SMYD3: variants seen among roughly 807,000 people sequenced by gnomAD.
The protein encoded by SMYD3 is SET and MYND domain containing 3.
SMYD3 carries 36 observed loss-of-function variants against 57.7 expected under a neutral mutation model. The ratio of observed to expected loss-of-function variants is 0.62; its 90% CI spans 0.48 to 0.82. The LOEUF (loss-of-function observed/expected upper bound fraction) is 0.82, where lower values mean the gene tolerates loss of function less well. Ranked by LOEUF, SMYD3 falls within the 40% of genes least tolerant of loss-of-function variation. SMYD3 has a pLI of 0.00. For missense variants in SMYD3, 515 were observed against 538.8 expected (o/e 0.96, Z 0.44); for synonymous variants, 211 against 195.0 (o/e 1.08, Z -0.68).
At chr1:246,351,882 T>C (rs1015842636) in intron 2 of SMYD3, among the ~76,000 whole-genome samples, 2 of 152,032 alleles carry the variant, frequency 1.3e-5, no homozygotes, top group Non-Finnish European at 2.9e-5. Context: ...ACGGCTATAA[T>C]CCCAGCACTT....
chr1:246,457,169 T>C (rs1273862018), intron 1 of SMYD3, among the ~76,000 whole-genome samples: 1 of 152,152 alleles, frequency 6.6e-6, no homozygotes, highest in African/African-American at 2.4e-5. Flanking sequence ...CACAGAGTTA[T>C]ATTTCAGAAG....
At chr1:246,140,397 A>G (rs1298864967) in intron 5 of SMYD3, among the ~76,000 whole-genome samples, 1 of 152,216 alleles carries the variant, frequency 6.6e-6, no homozygotes, top group Non-Finnish European at 1.5e-5. Flanking sequence ...CTTTCTAGCA[A>G]CAATATAAGG....
At chr1:246,222,458 T>C (rs1453597827) in intron 5 of SMYD3, among the ~76,000 whole-genome samples, 4 of 152,110 alleles carry the variant, frequency 2.6e-5, no homozygotes, top group Admixed American at 2.6e-4. Context: ...AGTAACTTAA[T>C]TTCTCACAGC....
At chr1:246,039,102 G>GA (rs2059825813) in intron 5 of SMYD3, among the ~76,000 whole-genome samples, 1 of 152,100 alleles carries the variant, frequency 6.6e-6, no homozygotes, top group South Asian at 2.1e-4. Context: ...TATAAGTGAA[G>GA]GAACAAAACA....
intron 2 of SMYD3, among the ~76,000 whole-genome samples, chr1:246,349,422 T>C (rs980768288): frequency 1.3e-5 from 2 of 151,840 alleles, no homozygotes; most frequent in Admixed American, 1.3e-4. Context: ...CTGGGCAACA[T>C]AGTGAAATCC....
At position 246,202,147 on chromosome 1, in the gene SMYD3, A is replaced by C. The variant is rs190638249; in HGVS notation, c.531+125054T>G. ...AGCTAATGGGTGATTTTTATTTAATACTTTTACTTAACGATATTTTCTATA... is the reference window on the plus strand; with the variant it reads ...AGCTAATGGGTGATTTTTATTTAATCCTTTTACTTAACGATATTTTCTATA... On this transcript the variant is annotated intron_variant, in intron 5 of 11. Transcript: ENST00000490107. The surrounding 1 kb of genome is among the most constrained non-coding windows in gnomAD (Gnocchi z 4.1). Among the ~76,000 whole-genome samples the C allele has an allele frequency of 6.6e-6, 1 of 152,180 alleles. No individual in the cohort carries two copies. Among genetic ancestry groups the C allele is most frequent in the African/African-American group, 2.4e-5 (1 of 41,448 alleles).
At chr1:245,897,402 C>T (rs1298315061) in intron 8 of SMYD3, among the ~76,000 whole-genome samples, 1 of 152,094 alleles carries the variant, frequency 6.6e-6, no homozygotes, top group East Asian at 1.9e-4. Context: ...ACATGTATTA[C>T]TTTAATAAAA....
At chr1:245,785,855 T>C (rs2047017709) in intron 10 of SMYD3, among the ~76,000 whole-genome samples, 1 of 152,008 alleles carries the variant, frequency 6.6e-6, no homozygotes, top group Non-Finnish European at 1.5e-5. Context: ...TATGCCACCA[T>C]GCCTGGCTAA....
At chr1:246,289,592 T>C (rs1370912877) in intron 5 of SMYD3, among the ~76,000 whole-genome samples, 1 of 152,254 alleles carries the variant, frequency 6.6e-6, no homozygotes, top group Non-Finnish European at 1.5e-5. Flanking sequence ...ATATTTTCTT[T>C]GCATGACTGG....
chr1:245,770,162 A>T (rs1357975476), intron 10 of SMYD3, among the ~76,000 whole-genome samples: 3 of 152,254 alleles, frequency 2.0e-5, no homozygotes, highest in African/African-American at 7.2e-5. Context: ...ATCTGTTTGA[A>T]GGTATCAAGG....
At chr1:246,390,905 C>T (rs772440193) in intron 1 of SMYD3, among the ~76,000 whole-genome samples, 18 of 152,134 alleles carry the variant, frequency 1.2e-4, no homozygotes, top group Middle Eastern at 3.4e-3. Flanking sequence ...TGAATTAAAA[C>T]GGTACACTCC....
intron 5 of SMYD3, among the ~76,000 whole-genome samples, chr1:246,285,928 T>C (rs1487913984): frequency 2.6e-5 from 4 of 151,854 alleles, no homozygotes; most frequent in Non-Finnish European, 5.9e-5. Context: ...AAAATCAAAA[T>C]CACAATGCAA....
intron 5 of SMYD3, chr1:246,186,660 G>T: frequency 2.6e-6 from 2 of 761,018 alleles, no homozygotes; most frequent in African/African-American, 1.9e-5. Context: ...AAAACTAAGA[G>T]ACAATGAAAA....
intron 1 of SMYD3, among the ~76,000 whole-genome samples, chr1:246,474,142 T>A (rs1159647508): frequency 1.3e-5 from 2 of 152,234 alleles, no homozygotes; most frequent in African/African-American, 4.8e-5. Flanking sequence ...TCGGAGTGTT[T>A]TCAGCTTTTA....
At chr1:246,019,069 C>A (rs1367268547) in intron 5 of SMYD3, among the ~76,000 whole-genome samples, 2 of 152,118 alleles carry the variant, frequency 1.3e-5, no homozygotes, top group African/African-American at 4.8e-5. Context: ...TGCTACTTTT[C>A]TATTTCCTCT....
At chr1:245,806,859 G>C (rs919565484) in intron 10 of SMYD3, among the ~76,000 whole-genome samples, 1 of 134,754 alleles carries the variant, frequency 7.4e-6, no homozygotes, top group Non-Finnish European at 1.5e-5. Flanking sequence ...GCAGTGAGCC[G>C]AGATCGCGCC....
intron 5 of SMYD3, among the ~76,000 whole-genome samples, chr1:245,996,141 A>C (rs1406754213): frequency 6.6e-6 from 1 of 152,222 alleles, no homozygotes; most frequent in African/African-American, 2.4e-5. Context: ...ATACATATAG[A>C]GAAGCCATCT....
intron 5 of SMYD3, among the ~76,000 whole-genome samples, chr1:246,035,062 C>G (rs2059747301): frequency 6.6e-6 from 1 of 152,170 alleles, no homozygotes; most frequent in Non-Finnish European, 1.5e-5. Context: ...CCCAGCCTCC[C>G]ACCTGACCCT....
chr1:246,422,520 G>C (rs1024776707), intron 1 of SMYD3, among the ~76,000 whole-genome samples: 1 of 151,976 alleles, frequency 6.6e-6, no homozygotes, highest in Non-Finnish European at 1.5e-5. Context: ...CACCTCCTGC[G>C]TTCAAGGGAT....
Sources: gnomAD v4.1 joint callset for allele counts (sites outside exome capture counted in the v4.1 genomes callset) on GRCh38, gnomAD v4.1.1 for gene constraint, Gnocchi (gnomAD v3.1) non-coding constraint, MANE v1.5 for transcripts, NCBI Gene and HGNC (gene_info 2026-07-23, HGNC 2026-07-21) for gene names.